SPIRE1: variants seen among roughly 807,000 people sequenced by gnomAD.
SPIRE1 encodes protein spire homolog 1.
A neutral mutation model predicts 94.1 loss-of-function variants in SPIRE1; 40 were observed. The ratio of observed to expected loss-of-function variants is 0.43; its 90% CI spans 0.33 to 0.55. The LOEUF (loss-of-function observed/expected upper bound fraction) is 0.55, where lower values mean the gene tolerates loss of function less well. Among genes scored for constraint, SPIRE1 ranks in the 20% least tolerant of loss-of-function variants. The probability of loss-of-function intolerance (pLI) is 0.06; values close to 1 mark genes in which losing one functional copy is unlikely to be tolerated. For missense variants in SPIRE1, 838 were observed against 975.2 expected (o/e 0.86, Z 1.87); for synonymous variants, 376 against 371.7 (o/e 1.01, Z -0.13).
chr18:12,541,524 C>T (rs2035015136), intron 3 of SPIRE1, among the ~76,000 whole-genome samples: 1 of 152,286 alleles, frequency 6.6e-6, no homozygotes, highest in Admixed American at 6.5e-5. Context: ...TTTATGAATG[C>T]TATTTCTCCT....
At chr18:12,600,707 A>C (rs1222409790) in intron 2 of SPIRE1, among the ~76,000 whole-genome samples, 3 of 152,054 alleles carry the variant, frequency 2.0e-5, no homozygotes. Flanking sequence ...TTTGGTAACT[A>C]ATTTAATACA....
intron 2 of SPIRE1, among the ~76,000 whole-genome samples, chr18:12,617,705 C>T (rs943602912): frequency 6.6e-6 from 1 of 152,012 alleles, no homozygotes; most frequent in African/African-American, 2.4e-5. Context: ...CCACCATACC[C>T]GGCCTCCCGG....
At chr18:12,544,981 C>T (rs1472952689) in intron 3 of SPIRE1, among the ~76,000 whole-genome samples, 2 of 152,058 alleles carry the variant, frequency 1.3e-5, no homozygotes, top group Non-Finnish European at 2.9e-5. Flanking sequence ...GTATACTTCC[C>T]CCAACACACA....
chr18:12,655,929 C>G (rs368531284), intron 1 of SPIRE1, among the ~76,000 whole-genome samples: 1 of 152,074 alleles, frequency 6.6e-6, no homozygotes, highest in East Asian at 1.9e-4. Flanking sequence ...GACGGCGTCT[C>G]GCTCTGTCAC....
At chr18:12,599,440 T>A (rs1313779459) in intron 2 of SPIRE1, among the ~76,000 whole-genome samples, 1 of 152,154 alleles carries the variant, frequency 6.6e-6, no homozygotes, top group African/African-American at 2.4e-5. Context: ...TAAAAAAATT[T>A]TTTTATAGAG....
chr18:12,654,331 C>T (rs1354550456), intron 1 of SPIRE1, among the ~76,000 whole-genome samples: 1 of 96,166 alleles, frequency 1.0e-5, no homozygotes, highest in Non-Finnish European at 2.1e-5. Context: ...AGTGAGACTC[C>T]ACCTCAAAAA....
intron 2 of SPIRE1, among the ~76,000 whole-genome samples, chr18:12,627,488 C>G (rs2037665695): frequency 6.6e-6 from 1 of 152,082 alleles, no homozygotes; most frequent in East Asian, 1.9e-4. Flanking sequence ...TGGTTCCAAG[C>G]CTGCTATTGT....
At position 12,570,230 on chromosome 18, in the gene SPIRE1, T is replaced by C. The variant is rs373474414; in HGVS notation, c.373-23326A>G. Among the ~76,000 whole-genome samples the C allele has an allele frequency of 2.0e-4, 30 of 152,376 alleles. No individual in the cohort carries two copies. In the Middle Eastern group the frequency reaches 0.01, roughly 52 times the overall value. ...AAGTATGATTCTTCTTGGTATTTGCTAGAATGCAGCGCTTTGCTCTCCATG... is the reference window on the plus strand; with the variant it reads ...AAGTATGATTCTTCTTGGTATTTGCCAGAATGCAGCGCTTTGCTCTCCATG... On this transcript the variant is annotated intron_variant, in intron 2 of 16. Coordinates refer to ENST00000409402, the MANE Select transcript of SPIRE1 (RefSeq NM_001128626.2).
At chr18:12,469,761 TACAC>T (rs1300923551) in intron 10 of SPIRE1, among the ~76,000 whole-genome samples, 17 of 144,858 alleles carry the variant, frequency 1.2e-4, no homozygotes, top group African/African-American at 4.3e-4. Flanking sequence ...ATTATATATA[TACAC>T]ATATACACTT....
chr18:12,608,348 C>G (rs1046640999), intron 2 of SPIRE1, among the ~76,000 whole-genome samples: 3 of 152,162 alleles, frequency 2.0e-5, no homozygotes, highest in African/African-American at 7.2e-5. Context: ...ATTTTGTAAC[C>G]TATTTTATAC....
intron 4 of SPIRE1, among the ~76,000 whole-genome samples, chr18:12,520,316 A>G (rs1417079262): frequency 6.6e-6 from 1 of 152,214 alleles, no homozygotes; most frequent in Non-Finnish European, 1.5e-5. Flanking sequence ...GTACAATTTA[A>G]TGTAATATTT....
At chr18:12,458,567 T>C (rs1214866873) in intron 12 of SPIRE1, among the ~76,000 whole-genome samples, 1 of 152,036 alleles carries the variant, frequency 6.6e-6, no homozygotes, top group Non-Finnish European at 1.5e-5. Flanking sequence ...TGAGCCGATA[T>C]CGCGTCACTG....
At chr18:12,627,115 G>A (rs563342642) in intron 2 of SPIRE1, among the ~76,000 whole-genome samples, 19 of 151,856 alleles carry the variant, frequency 1.3e-4, no homozygotes, top group Non-Finnish European at 2.4e-4. Flanking sequence ...GGGTACATGC[G>A]CACAATGTGC....
intron 4 of SPIRE1, among the ~76,000 whole-genome samples, chr18:12,512,909 G>C: frequency 6.6e-6 from 1 of 151,446 alleles, no homozygotes; most frequent in East Asian, 1.9e-4. Context: ...CTCACCCCAT[G>C]GCTGGTCTCT....
Position 12,486,145 on chromosome 18 carries a change from T to C in SPIRE1, c.1190-145A>G, listed in dbSNP as rs2143811817. On this transcript the variant is annotated intron_variant, in intron 8 of 16. Coordinates refer to ENST00000409402, the MANE Select transcript of SPIRE1 (RefSeq NM_001128626.2). ...GCAGGCAGAAGCTAGTGAATGAAAA[T>C]CTGAAATACATTAAAACCATGCAAG... 3 of 621,308 alleles carry C rather than the reference T, an allele frequency of 4.8e-6. No individual in the cohort carries two copies. In the South Asian group the frequency reaches 5.8e-5, roughly 12 times the overall value. The allele number at this position is 621,308 out of a possible 1,614,324, so 38.5% of individuals were successfully genotyped here.
chr18:12,472,218 C>T (rs547525045), intron 10 of SPIRE1, among the ~76,000 whole-genome samples: 342 of 151,966 alleles, frequency 2.3e-3, no homozygotes, highest in African/African-American at 7.7e-3. Flanking sequence ...TTTGCGAGGC[C>T]GAGGCAAGAG....
chr18:12,507,990 C>CA (rs1195372850), intron 5 of SPIRE1, among the ~76,000 whole-genome samples: 1 of 151,034 alleles, frequency 6.6e-6, no homozygotes, highest in Admixed American at 6.6e-5. Context: ...ACTAAAAATA[C>CA]AAAAAATTAG....
At chr18:12,461,602 CACAT>C (rs2031863947) in intron 12 of SPIRE1, among the ~76,000 whole-genome samples, 3 of 59,032 alleles carry the variant, frequency 5.1e-5, no homozygotes, top group Non-Finnish European at 1.3e-4. Context: ...TACATACACA[CACAT>C]ATACACACAC....
intron 2 of SPIRE1, among the ~76,000 whole-genome samples, chr18:12,555,193 C>A (rs1172522904): frequency 2.0e-5 from 3 of 152,116 alleles, no homozygotes; most frequent in African/African-American, 7.2e-5. Flanking sequence ...AAAGCCTTCT[C>A]CCCTGGCAAT....
Sources: allele counts gnomAD v4.1 joint callset (sites outside exome capture counted in the v4.1 genomes callset), GRCh38; gene constraint gnomAD v4.1.1; transcripts MANE v1.5; gene names NCBI Gene and HGNC (gene_info 2026-07-23, HGNC 2026-07-21).